The following CRCP variants were observed in gnomAD, a reference collection of about 807,000 sequenced individuals.
CRCP encodes CGRP receptor component, also known as DNA-directed RNA polymerase III subunit RPC9.
CRCP carries 18 observed loss-of-function variants against 18.5 expected under a neutral mutation model. The observed-to-expected ratio is 0.97, with a 90% CI of 0.67 to 1.44. The LOEUF is 1.44. Ranked by LOEUF, CRCP falls within the 40% of genes most tolerant of loss-of-function variation. CRCP has a pLI of 0.00. For synonymous variants in CRCP, 53 were observed against 62.9 expected, an observed-to-expected ratio of 0.84 and a Z score of 0.75; for missense variants, 130 against 176.4, an observed-to-expected ratio of 0.74 and a Z score of 1.49.
intron 4 of CRCP, among the ~76,000 whole-genome samples, chr7:66,143,010 C>G (rs78408611): frequency 0.065 from 9,920 of 152,186 alleles, 1,053 homozygotes; most frequent in African/African-American, 0.22. Flanking sequence ...ACTACAAACT[C>G]AAATTTCATG....
intron 2 of CRCP, chr7:66,130,123 T>TC (rs754007912): frequency 1.1e-4 from 35 of 318,614 alleles, no homozygotes; most frequent in South Asian, 1.7e-4. Context: ...TTTTTTTTTT[T>TC]CAGATGGAGT....
chr7:66,129,052 G>A (rs1056404216), intron 2 of CRCP, among the ~76,000 whole-genome samples: 1 of 152,090 alleles, frequency 6.6e-6, no homozygotes, highest in Non-Finnish European at 1.5e-5. Flanking sequence ...ATAAATTAGC[G>A]GCCGGGCGCG....
At chr7:66,134,432 A>G (rs895679402) in intron 4 of CRCP, 58 bp downstream of exon 4, 25 of 1,166,098 alleles carry the variant, frequency 2.1e-5, no homozygotes, top group Non-Finnish European at 2.9e-5. Flanking sequence ...TAGTTGCTAC[A>G]TTCGTAGCAA....
At chr7:66,119,132 CAGTCTT>C (rs1179113424) in intron 1 of CRCP, among the ~76,000 whole-genome samples, 1 of 152,194 alleles carries the variant, frequency 6.6e-6, no homozygotes, top group Non-Finnish European at 1.5e-5. Flanking sequence ...TGTCTGCACT[CAGTCTT>C]AGTATTAGAT....
At chr7:66,117,312 G>T (rs566565645) in intron 1 of CRCP, among the ~76,000 whole-genome samples, 1 of 151,972 alleles carries the variant, frequency 6.6e-6, no homozygotes, top group Non-Finnish European at 1.5e-5. Flanking sequence ...CCTGGGTCCC[G>T]TTCCTCTCTT....
chr7:66,124,134 G>A (rs1276855285), intron 1 of CRCP, among the ~76,000 whole-genome samples: 12 of 146,802 alleles, frequency 8.2e-5, no homozygotes, highest in African/African-American at 3.0e-4. Flanking sequence ...GGCCGAGGCG[G>A]GCGGATCACG....
intron 4 of CRCP, among the ~76,000 whole-genome samples, chr7:66,136,003 T>C (rs1466897375): frequency 1.3e-5 from 2 of 152,036 alleles, no homozygotes; most frequent in African/African-American, 2.4e-5. Flanking sequence ...TCAGACCAAA[T>C]TGGATGAAAA....
chr7:66,124,620 T>C (rs1164531462), intron 1 of CRCP, among the ~76,000 whole-genome samples: 1 of 151,582 alleles, frequency 6.6e-6, no homozygotes, highest in Non-Finnish European at 1.5e-5. Flanking sequence ...CGGGACGAAG[T>C]GATCCTCCTG....
chr7:66,124,808 A>G lies in CRCP; in HGVS notation c.9-2896A>G, dbSNP rs372707895. On this transcript the variant is annotated intron_variant, in intron 1 of 5. Coordinates refer to ENST00000395326, the MANE Select transcript of CRCP (RefSeq NM_014478.5). ...ACCCCTTCTTGAAAAAGGGCATTCT[A>G]TGTAGCTACAGTCGCCTTATCACAC... 3.1e-4 allele frequency among the ~76,000 whole-genome samples: 46 copies of G among 149,604 alleles called. 3 individuals are homozygous for G. Among genetic ancestry groups the G allele is most frequent in the East Asian group, 1.0e-3 (5 of 5,004 alleles).
At chr7:66,119,867 G>A (rs534264684) in intron 1 of CRCP, 11 of 152,276 alleles carry the variant, frequency 7.2e-5, no homozygotes, top group African/African-American at 2.4e-4. Context: ...CATAGTACAT[G>A]TCAGCAACAA....
At chr7:66,133,764 A>G (rs1787883137) in intron 3 of CRCP, among the ~76,000 whole-genome samples, 1 of 150,592 alleles carries the variant, frequency 6.6e-6, no homozygotes, top group South Asian at 2.1e-4. Flanking sequence ...TCTTCTAGCT[A>G]CTGGTTTTCT....
At chr7:66,124,008 G>A (rs1787535765) in intron 1 of CRCP, among the ~76,000 whole-genome samples, 1 of 110,668 alleles carries the variant, frequency 9.0e-6, no homozygotes, top group Non-Finnish European at 1.7e-5. Context: ...TCGCGCCACT[G>A]CACTCCAGCC....
At chr7:66,118,700 A>C (rs1021610185) in intron 1 of CRCP, among the ~76,000 whole-genome samples, 9 of 152,174 alleles carry the variant, frequency 5.9e-5, no homozygotes, top group African/African-American at 1.7e-4. Context: ...TCTCTAGATG[A>C]CTTATTATGA....
At chr7:66,116,760 G>T (rs1397788884) in intron 1 of CRCP, among the ~76,000 whole-genome samples, 2 of 152,000 alleles carry the variant, frequency 1.3e-5, no homozygotes, top group Admixed American at 6.6e-5. Flanking sequence ...GTGCTGATTA[G>T]CCCCTCATTC....
At chr7:66,144,303 C>T (rs1385620301) in intron 4 of CRCP, among the ~76,000 whole-genome samples, 1 of 152,190 alleles carries the variant, frequency 6.6e-6, no homozygotes, top group Non-Finnish European at 1.5e-5. Flanking sequence ...TGTCTTCTTT[C>T]TCCAGCTGGG....
chr7:66,131,764 C>A (rs1384500716), intron 3 of CRCP, among the ~76,000 whole-genome samples: 1 of 151,568 alleles, frequency 6.6e-6, no homozygotes, highest in East Asian at 1.9e-4. Context: ...ATTTTGAAAT[C>A]ATTTTTCTTT....
At chr7:66,119,779 A>T (rs1787376682) in intron 1 of CRCP, 1 of 152,186 alleles carries the variant, frequency 6.6e-6, no homozygotes, top group Non-Finnish European at 1.5e-5. Flanking sequence ...TAGTAGTTGT[A>T]CTGTGTTGTT....
intron 4 of CRCP, among the ~76,000 whole-genome samples, chr7:66,135,434 T>C (rs534704929): frequency 6.6e-6 from 1 of 152,316 alleles, no homozygotes; most frequent in Non-Finnish European, 1.5e-5. Context: ...CAAGACAGAA[T>C]TGAAATATTA....
intron 4 of CRCP, among the ~76,000 whole-genome samples, chr7:66,137,712 T>C (rs1788011422): frequency 6.6e-6 from 1 of 152,258 alleles, no homozygotes; most frequent in Non-Finnish European, 1.5e-5. Flanking sequence ...ATCTTTTTGT[T>C]TATTTTTGTT....
Sources: gnomAD v4.1 joint callset for allele counts (sites outside exome capture counted in the v4.1 genomes callset) on GRCh38, gnomAD v4.1.1 for gene constraint, MANE v1.5 for transcripts, NCBI Gene and HGNC (gene_info 2026-07-23, HGNC 2026-07-21) for gene names.